TIMD4: variants seen among roughly 807,000 people sequenced by gnomAD.
TIMD4 encodes T-cell immunoglobulin and mucin domain-containing protein 4.
In TIMD4, 31 loss-of-function variants were observed where a neutral mutation model predicts 41.2. The observed-to-expected ratio is 0.75, with a 90% CI of 0.57 to 1.01. The LOEUF (loss-of-function observed/expected upper bound fraction) is 1.01, where lower values mean the gene tolerates loss of function less well. Ranked by LOEUF, TIMD4 falls within the 50% of genes least tolerant of loss-of-function variation. TIMD4 has a pLI of 0.00. For missense variants in TIMD4, 479 were observed against 472.5 expected, an observed-to-expected ratio of 1.01 and a Z score of -0.13; for synonymous variants, 204 against 177.1, an observed-to-expected ratio of 1.15 and a Z score of -1.21.
intron 6 of TIMD4, among the ~76,000 whole-genome samples, chr5:156,925,634 G>A (rs1759332909): frequency 6.6e-6 from 1 of 152,158 alleles, no homozygotes; most frequent in Admixed American, 6.5e-5. Flanking sequence ...AAATATTGAT[G>A]GCAGGTGTTG....
At position 156,944,605 on chromosome 5, in the gene TIMD4, C is replaced by T. The variant is rs1026095069; in HGVS notation, c.844+3811G>A. 3.4e-5 allele frequency among the ~76,000 whole-genome samples: 5 copies of T among 148,560 alleles called. No homozygotes were observed. The South Asian group carries it at 1.1e-3, about 32-fold the overall frequency. On this transcript the variant is annotated intron_variant, in intron 5 of 8. Coordinates refer to ENST00000274532, the MANE Select transcript of TIMD4 (RefSeq NM_138379.3). ...CTGCAAGCTCCGCCTCCTGGGTTCA[C>T]ACCATTCTCCTGCCTCAGCCTCCCA...
At chr5:156,956,918 C>T (rs148964044) in intron 1 of TIMD4, among the ~76,000 whole-genome samples, 3,246 of 152,264 alleles carry the variant, frequency 0.021, 62 homozygotes, top group Non-Finnish European at 0.035. Flanking sequence ...TCCTCCTTGA[C>T]TCAGCTGGCA....
intron 5 of TIMD4, among the ~76,000 whole-genome samples, chr5:156,934,495 T>C (rs563141137): frequency 1.5e-3 from 221 of 152,282 alleles, no homozygotes; most frequent in Non-Finnish European, 2.4e-3. Context: ...TTTTGCTATG[T>C]TGACCAGGCT....
intron 5 of TIMD4, among the ~76,000 whole-genome samples, chr5:156,932,459 A>G (rs1247543668): frequency 6.6e-6 from 1 of 152,202 alleles, no homozygotes; most frequent in East Asian, 1.9e-4. Flanking sequence ...TGCACAATAG[A>G]TATATACTGC....
chr5:156,940,248 T>C (rs1759617552), intron 5 of TIMD4, among the ~76,000 whole-genome samples: 2 of 152,190 alleles, frequency 1.3e-5, no homozygotes, highest in South Asian at 4.1e-4. Flanking sequence ...GGAGTCTCAC[T>C]TACACAGTGC....
chr5:156,931,869 T>C (rs777823737), intron 5 of TIMD4, among the ~76,000 whole-genome samples: 4 of 147,330 alleles, frequency 2.7e-5, no homozygotes, highest in Admixed American at 6.7e-5. Flanking sequence ...CTCTGAGCCA[T>C]AGTTTCTTCA....
intron 6 of TIMD4, among the ~76,000 whole-genome samples, chr5:156,922,614 C>A (rs542135298): frequency 6.6e-6 from 1 of 152,298 alleles, no homozygotes; most frequent in South Asian, 2.1e-4. Context: ...TTTTCTACAG[C>A]AGTGGTTCTC....
At chr5:156,942,824 A>G (rs1217621004) in intron 5 of TIMD4, among the ~76,000 whole-genome samples, 1 of 152,236 alleles carries the variant, frequency 6.6e-6, no homozygotes, top group Non-Finnish European at 1.5e-5. Context: ...GTGGAGCCTC[A>G]ATAGATTGAG....
chr5:156,939,988 TC>T (rs1413276492), intron 5 of TIMD4, among the ~76,000 whole-genome samples: 1 of 152,234 alleles, frequency 6.6e-6, no homozygotes, highest in Non-Finnish European at 1.5e-5. Context: ...TCTCCCGCTT[TC>T]CACGGTCTCC....
chr5:156,921,242 T>C (rs1434943548), intron 7 of TIMD4, among the ~76,000 whole-genome samples: 1 of 152,136 alleles, frequency 6.6e-6, no homozygotes, highest in East Asian at 1.9e-4. Context: ...CACTTTTGCA[T>C]GTGATTTCAA....
chr5:156,953,110 C>T (rs1759893910), intron 2 of TIMD4, among the ~76,000 whole-genome samples: 1 of 151,906 alleles, frequency 6.6e-6, no homozygotes, highest in Non-Finnish European at 1.5e-5. Context: ...TTCGAAATGA[C>T]CTCATAATAT....
intron 5 of TIMD4, among the ~76,000 whole-genome samples, chr5:156,931,242 A>C (rs1759440172): frequency 6.6e-6 from 1 of 152,214 alleles, no homozygotes; most frequent in African/African-American, 2.4e-5. Flanking sequence ...TCTACCCTTC[A>C]CAACTCTGAG....
chr5:156,920,087 T>A (rs1425212789), intron 8 of TIMD4, among the ~76,000 whole-genome samples: 2 of 152,160 alleles, frequency 1.3e-5, no homozygotes, highest in Admixed American at 6.5e-5. Flanking sequence ...AGGAATAATA[T>A]TCTACATGCT....
At chr5:156,937,556 A>G (rs537290224) in intron 5 of TIMD4, among the ~76,000 whole-genome samples, 4 of 151,870 alleles carry the variant, frequency 2.6e-5, no homozygotes, top group East Asian at 1.9e-4. Context: ...ATGAGGACCT[A>G]TCTCGGGGCT....
chr5:156,948,366 A>G (rs1759785452), intron 5 of TIMD4, 50 bp downstream of exon 5: 7 of 1,079,236 alleles, frequency 6.5e-6, no homozygotes, highest in Non-Finnish European at 4.8e-6. Flanking sequence ...AAAAATAATA[A>G]TAATAATTAA....
At chr5:156,945,180 G>A (rs575096675) in intron 5 of TIMD4, among the ~76,000 whole-genome samples, 1 of 152,342 alleles carries the variant, frequency 6.6e-6, no homozygotes, top group Non-Finnish European at 1.5e-5. Flanking sequence ...GAGACCAGGA[G>A]GAAGCAGAGT....
chr5:156,930,241 A>G (rs1759422146), intron 5 of TIMD4, among the ~76,000 whole-genome samples: 1 of 152,192 alleles, frequency 6.6e-6, no homozygotes, highest in Admixed American at 6.5e-5. Context: ...GATAACAGGC[A>G]TGAACCACTG....
At chr5:156,947,197 C>G in intron 5 of TIMD4, among the ~76,000 whole-genome samples, 1 of 140,552 alleles carries the variant, frequency 7.1e-6, no homozygotes, top group Admixed American at 7.2e-5. Context: ...GGCTCTGTCT[C>G]AAAAAAAAAA....
At chr5:156,951,829 A>T in intron 2 of TIMD4, 39 bp from the exon 3 acceptor site, 1 of 1,609,934 alleles carries the variant, frequency 6.2e-7, no homozygotes, top group Non-Finnish European at 8.5e-7. Flanking sequence ...CCAAGCGGAG[A>T]TGGAGGAAAA....
Sources: gnomAD v4.1 joint callset for allele counts (sites outside exome capture counted in the v4.1 genomes callset) on GRCh38, gnomAD v4.1.1 for gene constraint, MANE v1.5 for transcripts, NCBI Gene and HGNC (gene_info 2026-07-23, HGNC 2026-07-21) for gene names.